DSCAM: variants seen among roughly 807,000 people sequenced by gnomAD.
The protein encoded by DSCAM is cell adhesion molecule DSCAM.
Under a neutral mutation model 217.7 loss-of-function variants are expected in DSCAM, and 47 were observed. That is an observed-to-expected ratio of 0.22 (90% CI 0.17 to 0.28). DSCAM has a LOEUF of 0.28. Ranked by LOEUF, DSCAM falls within the 10% of genes least tolerant of loss-of-function variation. The pLI, the probability that DSCAM is intolerant of heterozygous loss-of-function variation, is 1.00. For synonymous variants in DSCAM, 1,056 were observed against 1,015.3 expected (o/e 1.04, Z -0.76); for missense variants, 2,080 against 2,618.3 (o/e 0.79, Z 4.49).
intron 11 of DSCAM, among the ~76,000 whole-genome samples, chr21:40,201,817 AAAAT>A (rs1178482787): frequency 1.3e-5 from 2 of 152,356 alleles, no homozygotes; most frequent in Admixed American, 1.3e-4. Flanking sequence ...TGATAGTAAA[AAAAT>A]AAAGAAACAA....
At chr21:40,327,984 A>C (rs1295340837) in intron 8 of DSCAM, among the ~76,000 whole-genome samples, 1 of 152,182 alleles carries the variant, frequency 6.6e-6, no homozygotes, top group Non-Finnish European at 1.5e-5. Context: ...TTGGTGAAAG[A>C]AGTTGAGAAA....
At chr21:40,566,277 T>C (rs1421627352) in intron 3 of DSCAM, among the ~76,000 whole-genome samples, 2 of 151,786 alleles carry the variant, frequency 1.3e-5, no homozygotes, top group African/African-American at 4.8e-5. Flanking sequence ...ATAACAAGAA[T>C]GCCATGGCCT....
At chr21:40,241,099 C>T (rs1007235087) in intron 11 of DSCAM, among the ~76,000 whole-genome samples, 1 of 152,142 alleles carries the variant, frequency 6.6e-6, no homozygotes, top group African/African-American at 2.4e-5. Context: ...ATGACAAAGA[C>T]TCTAAAAGCA....
chr21:40,187,861 G>A, intron 13 of DSCAM, 30 bp downstream of exon 13: 1 of 1,575,440 alleles, frequency 6.3e-7, no homozygotes, highest in South Asian at 1.1e-5. Flanking sequence ...AAATGACTGT[G>A]TTTATTCTCT....
intron 10 of DSCAM, among the ~76,000 whole-genome samples, chr21:40,284,399 T>G (rs546531389): frequency 6.6e-6 from 1 of 152,322 alleles, no homozygotes; most frequent in Non-Finnish European, 1.5e-5. Flanking sequence ...TATGTTGATC[T>G]TTAGCACTAC....
At chr21:40,190,152 T>C (rs2090939526) in intron 11 of DSCAM, among the ~76,000 whole-genome samples, 2 of 152,208 alleles carry the variant, frequency 1.3e-5, no homozygotes, top group African/African-American at 4.8e-5. Flanking sequence ...GAACCCTTTA[T>C]TTGTGAAGCT....
At chr21:40,508,783 A>ATTT (rs1178142732) in intron 3 of DSCAM, among the ~76,000 whole-genome samples, 2 of 24,214 alleles carry the variant, frequency 8.3e-5, no homozygotes, top group Non-Finnish European at 1.4e-4. Flanking sequence ...ATATATATAT[A>ATTT]TTTTTTTTTT....
chr21:40,339,071 C>T (rs1340746068), intron 7 of DSCAM, 48 bp downstream of exon 7: 6 of 1,598,808 alleles, frequency 3.8e-6, no homozygotes, highest in Non-Finnish European at 3.4e-6. Flanking sequence ...TTCTTCTCCA[C>T]TATAATGAGT....
intron 3 of DSCAM, among the ~76,000 whole-genome samples, chr21:40,625,961 T>A (rs376408827): frequency 6.6e-6 from 1 of 152,220 alleles, no homozygotes; most frequent in East Asian, 1.9e-4. Context: ...TTATTAATAG[T>A]TTAAATCTTT....
At chr21:40,781,941 G>A (rs896686058) in intron 1 of DSCAM, among the ~76,000 whole-genome samples, 17 of 131,636 alleles carry the variant, frequency 1.3e-4, no homozygotes, top group South Asian at 4.8e-4. Flanking sequence ...GAGGTCAAGA[G>A]ATCGAGACCA....
chr21:40,178,810 G>T (rs1186148562), intron 15 of DSCAM, 117 bp downstream of exon 15: 2 of 1,223,642 alleles, frequency 1.6e-6, no homozygotes, highest in Non-Finnish European at 2.3e-6. Flanking sequence ...CGGAGAGCAC[G>T]CATCAAAGAC....
At chr21:40,669,793 C>A (rs2090250613) in intron 3 of DSCAM, among the ~76,000 whole-genome samples, 1 of 151,956 alleles carries the variant, frequency 6.6e-6, no homozygotes, top group African/African-American at 2.4e-5. Context: ...TGGCAGGGCT[C>A]ATCTCGAACT....
chr21:40,465,076 C>T (rs184887457), intron 3 of DSCAM, among the ~76,000 whole-genome samples: 15 of 152,186 alleles, frequency 9.9e-5, no homozygotes, highest in South Asian at 8.3e-4. Context: ...AAATTGTTTT[C>T]GTCTGTTTAA....
intron 3 of DSCAM, among the ~76,000 whole-genome samples, chr21:40,506,350 G>C (rs769250143): frequency 7.9e-5 from 12 of 152,186 alleles, no homozygotes; most frequent in Non-Finnish European, 1.5e-4. Flanking sequence ...GCTACTGCCT[G>C]GGACGTCCAT....
In DSCAM at chr21:40,013,297, G is replaced by C; in HGVS notation, c.5776C>G (p.Gln1926Glu). The C allele has an allele frequency of 6.2e-7, 1 of 1,613,002 alleles. No homozygotes were observed. Among genetic ancestry groups the C allele is most frequent in the Middle Eastern group, 1.7e-4 (1 of 6,056 alleles). ...CTTTTCTGAGGTTCCAAGCATGCTT[G>C]TCCTAAGCTCAGGTCCCTGCTGGTG... ...PGTSRDLSLG[Q>E]ACLEPQKSRT... is the part of the protein sequence containing the mutation. The change falls in exon 33 of 33, where the codon CAA becomes GAA. Residue 1926 changes from glutamine (Q) to glutamate (E), a missense_variant. Coordinates refer to ENST00000400454, the MANE Select transcript of DSCAM (RefSeq NM_001389.5).
At chr21:40,237,283 T>C (rs1446542644) in intron 11 of DSCAM, among the ~76,000 whole-genome samples, 1 of 152,154 alleles carries the variant, frequency 6.6e-6, no homozygotes, top group East Asian at 1.9e-4. Flanking sequence ...GTTACATAGG[T>C]ATATACATGC....
chr21:40,293,444 A>C (rs1312113684), intron 10 of DSCAM, among the ~76,000 whole-genome samples: 1 of 152,170 alleles, frequency 6.6e-6, no homozygotes, highest in Non-Finnish European at 1.5e-5. Flanking sequence ...CTGATGACTT[A>C]GCCAAGCCAA....
At position 40,266,072 on chromosome 21, in the gene DSCAM, C is replaced by G. The variant is rs114905938; in HGVS notation, c.2356+10025G>C. Among the ~76,000 whole-genome samples the G allele has an allele frequency of 9.7e-3, 1,483 of 152,244 alleles. 15 individuals carry two copies. The highest frequency in any genetic ancestry group is 0.02 in the Middle Eastern group (6 of 294). ...ATCATCAAAGTAAACAGACAACCTA[C>G]AGAATGGAAGTAAATATTTGAAAAT... is the stretch of plus-strand genomic sequence containing the variant. On this transcript the variant is annotated intron_variant, in intron 11 of 32. Transcript: ENST00000400454.
intron 11 of DSCAM, among the ~76,000 whole-genome samples, chr21:40,237,215 G>A (rs2146934949): frequency 6.6e-6 from 1 of 152,262 alleles, no homozygotes; most frequent in Admixed American, 6.5e-5. Context: ...CACTAAAGAA[G>A]TTTATTATTA....
Sources: allele counts gnomAD v4.1 joint callset (sites outside exome capture counted in the v4.1 genomes callset), GRCh38; gene constraint gnomAD v4.1.1; transcripts MANE v1.5; gene names NCBI Gene and HGNC (gene_info 2026-07-23, HGNC 2026-07-21).